The following SGCD variants were observed in gnomAD, a reference collection of about 807,000 sequenced individuals.
SGCD encodes the protein sarcoglycan delta.
In SGCD, 18 loss-of-function variants were observed where a neutral mutation model predicts 36.6. That is an observed-to-expected ratio of 0.49 (90% CI 0.34 to 0.73). SGCD has a LOEUF of 0.73. Among genes scored for constraint, SGCD ranks in the 30% least tolerant of loss-of-function variants. SGCD has a pLI of 0.01. For synonymous variants in SGCD, 133 were observed against 130.6 expected, an observed-to-expected ratio of 1.02 and a Z score of -0.12; for missense variants, 387 against 346.7, an observed-to-expected ratio of 1.12 and a Z score of -0.92.
the SGCD span, among the ~76,000 whole-genome samples, chr5:155,812,189 G>A: frequency 2.6e-5 from 4 of 152,226 alleles, no homozygotes; most frequent in African/African-American, 7.2e-5. Flanking sequence ...AGATGAGGGT[G>A]TTTATAGCCC....
chr5:155,984,901 TA>T (rs542326979), intron 1 of SGCD, among the ~76,000 whole-genome samples: 2 of 152,240 alleles, frequency 1.3e-5, no homozygotes, highest in Non-Finnish European at 2.9e-5. Flanking sequence ...CCAACTGGAC[TA>T]AACACACAGG....
At chr5:156,009,559 G>C (rs1758817820) in intron 1 of SGCD, among the ~76,000 whole-genome samples, 2 of 152,300 alleles carry the variant, frequency 1.3e-5, no homozygotes, top group Non-Finnish European at 2.9e-5. Flanking sequence ...CCTGCTGCCA[G>C]ATGTCCTGGA....
intron 1 of SGCD, among the ~76,000 whole-genome samples, chr5:155,883,630 C>G (rs1755934739): frequency 6.6e-6 from 1 of 151,710 alleles, no homozygotes; most frequent in Non-Finnish European, 1.5e-5. Flanking sequence ...CATCAAAGAT[C>G]CCGGTCACAA....
At chr5:156,369,067 A>G (rs1473938845) in intron 3 of SGCD, among the ~76,000 whole-genome samples, 2 of 152,176 alleles carry the variant, frequency 1.3e-5, no homozygotes, top group Admixed American at 1.3e-4. Context: ...TGCAGCTCTG[A>G]GATCTATAAG....
intron 4 of SGCD, among the ~76,000 whole-genome samples, chr5:156,544,837 A>C (rs2113166302): frequency 6.6e-6 from 1 of 152,324 alleles, no homozygotes; most frequent in East Asian, 1.9e-4. Context: ...TATCTTAACG[A>C]GCACTTGGAA....
intron 6 of SGCD, among the ~76,000 whole-genome samples, chr5:156,635,003 G>A (rs1456438069): frequency 1.3e-5 from 2 of 152,178 alleles, no homozygotes; most frequent in African/African-American, 4.8e-5. Flanking sequence ...TGGGAGGACT[G>A]CTTGAGCCCA....
intron 4 of SGCD, among the ~76,000 whole-genome samples, chr5:156,567,459 C>A (rs1041971317): frequency 1.3e-5 from 2 of 151,936 alleles, no homozygotes; most frequent in Non-Finnish European, 2.9e-5. Context: ...TGGAGGCTGG[C>A]AAGTTCAAGA....
intron 1 of SGCD, among the ~76,000 whole-genome samples, chr5:156,072,416 C>T (rs1387980683): frequency 1.3e-5 from 2 of 152,000 alleles, no homozygotes; most frequent in African/African-American, 4.8e-5. Flanking sequence ...ATATGAAATT[C>T]TGGGTTGAAA....
At chr5:156,215,716 C>T (rs1221822919) in intron 3 of SGCD, among the ~76,000 whole-genome samples, 1 of 151,838 alleles carries the variant, frequency 6.6e-6, no homozygotes, top group Non-Finnish European at 1.5e-5. Context: ...GAGAGGGAAC[C>T]CCCACACATG....
chr5:155,834,834 CT>C, the SGCD span, among the ~76,000 whole-genome samples: 1,649 of 135,526 alleles, frequency 0.012, 20 homozygotes, highest in African/African-American at 0.035. Flanking sequence ...TGAATGTAAT[CT>C]TTTTTTTTTT....
chr5:156,224,372 TG>T (rs1258671861), intron 3 of SGCD, among the ~76,000 whole-genome samples: 1 of 152,118 alleles, frequency 6.6e-6, no homozygotes, highest in Non-Finnish European at 1.5e-5. Context: ...GGACAAAGCA[TG>T]AAGGGGAGTG....
intron 3 of SGCD, among the ~76,000 whole-genome samples, chr5:156,400,113 G>T (rs999364502): frequency 2.0e-5 from 3 of 152,060 alleles, no homozygotes; most frequent in African/African-American, 7.2e-5. Flanking sequence ...GTAATACAGT[G>T]GTTCTCCAGC....
chr5:156,260,108 C>T (rs1349385527), intron 3 of SGCD, among the ~76,000 whole-genome samples: 5 of 152,098 alleles, frequency 3.3e-5, no homozygotes, highest in African/African-American at 1.2e-4. Context: ...CTCCATGTTT[C>T]TGTGCATCTA....
At chr5:156,315,312 G>T (rs1056678677) in intron 3 of SGCD, among the ~76,000 whole-genome samples, 35 of 150,010 alleles carry the variant, frequency 2.3e-4, no homozygotes, top group African/African-American at 8.1e-4. Context: ...TGCAGTATTT[G>T]TCTTTCTGTG....
intron 6 of SGCD, among the ~76,000 whole-genome samples, chr5:156,595,780 A>G (rs73299140): frequency 0.036 from 5,421 of 152,328 alleles, 321 homozygotes; most frequent in African/African-American, 0.12. Flanking sequence ...GTTTAGGTTC[A>G]TAGTTCCAAC....
At chr5:156,747,087 C>A (rs1369282020) in intron 7 of SGCD, among the ~76,000 whole-genome samples, 1 of 147,722 alleles carries the variant, frequency 6.8e-6, no homozygotes, top group Non-Finnish European at 1.5e-5. Context: ...TATTTGAACA[C>A]CCAGTAAAAC....
the SGCD span, among the ~76,000 whole-genome samples, chr5:155,799,325 G>A: frequency 6.6e-6 from 1 of 151,652 alleles, no homozygotes; most frequent in African/African-American, 2.4e-5. Flanking sequence ...ACTGTTATAT[G>A]GTAGCAAAAT....
intron 6 of SGCD, among the ~76,000 whole-genome samples, chr5:156,617,710 G>A (rs377121998): frequency 7.9e-5 from 12 of 152,242 alleles, no homozygotes; most frequent in South Asian, 2.1e-4. Context: ...AGCAAAGGTC[G>A]TTAACTAGAG....
the SGCD span, among the ~76,000 whole-genome samples, chr5:155,819,560 T>A: frequency 2.6e-5 from 4 of 152,196 alleles, no homozygotes; most frequent in Non-Finnish European, 5.9e-5. Flanking sequence ...CTTGTAAAAT[T>A]GGTACTACTG....
Sources: allele counts gnomAD v4.1 joint callset (sites outside exome capture counted in the v4.1 genomes callset), GRCh38; gene constraint gnomAD v4.1.1; transcripts MANE v1.5; gene names NCBI Gene and HGNC (gene_info 2026-07-23, HGNC 2026-07-21).